Variants in GPSM1 observed in about 807,000 individuals in gnomAD.
GPSM1 encodes G protein signaling modulator 1.
Under a neutral mutation model 70.5 loss-of-function variants are expected in GPSM1, and 48 were observed. That is an observed-to-expected ratio of 0.68 (90% CI 0.54 to 0.87). The LOEUF (loss-of-function observed/expected upper bound fraction) is 0.87, where lower values mean the gene tolerates loss of function less well. GPSM1 is among the 40% of genes least tolerant of loss of function. The pLI, the probability that GPSM1 is intolerant of heterozygous loss-of-function variation, is 0.00. For missense variants in GPSM1, 981 were observed against 972.6 expected (o/e 1.01, Z -0.11); for synonymous variants, 416 against 430.1 (o/e 0.97, Z 0.41).
chr9:136,344,781 T>C (rs1554770985), intron 9 of GPSM1, among the ~76,000 whole-genome samples: 1 of 152,184 alleles, frequency 6.6e-6, no homozygotes, highest in East Asian at 1.9e-4. Flanking sequence ...GGAGACTGTC[T>C]GGAGCTGACG....
intron 11 of GPSM1, among the ~76,000 whole-genome samples, chr9:136,351,006 G>T (rs943243680): frequency 9.2e-5 from 14 of 152,222 alleles, no homozygotes; most frequent in Non-Finnish European, 4.4e-5. Context: ...GCACCGATGG[G>T]CCGAGTCCGG....
intron 1 of GPSM1, among the ~76,000 whole-genome samples, chr9:136,330,607 G>T (rs942952511): frequency 3.3e-5 from 5 of 152,196 alleles, no homozygotes; most frequent in Non-Finnish European, 7.3e-5. Flanking sequence ...TTCCCTGGGG[G>T]TGTCTGGCTG....
At chr9:136,347,209 C>T (rs993674283) in intron 9 of GPSM1, among the ~76,000 whole-genome samples, 3 of 152,158 alleles carry the variant, frequency 2.0e-5, no homozygotes, top group Admixed American at 6.5e-5. Flanking sequence ...ATGAGGAGGG[C>T]GCTGAGCTCC....
intron 3 of GPSM1, among the ~76,000 whole-genome samples, chr9:136,336,706 G>A (rs546745824): frequency 2.6e-5 from 4 of 152,298 alleles, no homozygotes; most frequent in South Asian, 2.1e-4. Context: ...ACGCCAATCC[G>A]CAGAGGAGGG....
chr9:136,351,374 A>ACCTGCCCTGTCCACAGCTGGC (rs1249910773), intron 11 of GPSM1, among the ~76,000 whole-genome samples: 45 of 152,042 alleles, frequency 3.0e-4, no homozygotes, highest in African/African-American at 1.1e-3. Context: ...GGACCCAGAC[A>ACCTGCCCTGTCCACAGCTGGC]CCTGCCCTGT....
chr9:136,341,296 T>A lies in GPSM1; in HGVS notation c.1207+303T>A. ...CCCCACCTCCCCCTGGAGCCCTCGGTGCAGGGAGGGCTTCTGTCCTCAGAC... is the reference window on the plus strand; with the variant it reads ...CCCCACCTCCCCCTGGAGCCCTCGGAGCAGGGAGGGCTTCTGTCCTCAGAC... On this transcript the variant is annotated intron_variant, in intron 9 of 13. Coordinates refer to ENST00000440944, the MANE Select transcript of GPSM1 (RefSeq NM_001145638.3). This position sits in a 1 kb window ranked among gnomAD's most constrained non-coding sequence, Gnocchi z 6.7. The A allele has an allele frequency of 6.9e-7, 1 of 1,456,276 alleles. No individual in the cohort carries two copies. The highest frequency in any genetic ancestry group is 1.5e-5 in the South Asian group (1 of 68,942). The allele number at this position is 1,456,276 out of a possible 1,614,324, so 90.2% of individuals were successfully genotyped here. A position where few individuals can be genotyped will look rare whatever the true frequency, so the allele number is the denominator to read the frequency against.
At chr9:136,333,296 G>A (rs1832146657) in intron 1 of GPSM1, among the ~76,000 whole-genome samples, 1 of 152,178 alleles carries the variant, frequency 6.6e-6, no homozygotes, top group African/African-American at 2.4e-5. Context: ...CTCCCCCCGC[G>A]ACCCTCCACC....
chr9:136,332,700 T>A (rs548127888), intron 1 of GPSM1, among the ~76,000 whole-genome samples: 1 of 152,100 alleles, frequency 6.6e-6, no homozygotes, highest in Non-Finnish European at 1.5e-5. Context: ...CGGATGGCCA[T>A]TCCCAGAGGG....
At position 136,342,147 on chromosome 9, in the gene GPSM1, C is replaced by T. The variant is rs1832406658; in HGVS notation, c.1207+1154C>T. Among the ~76,000 whole-genome samples the T allele has an allele frequency of 6.6e-6, 1 of 152,048 alleles. No individual in the cohort carries two copies. Among genetic ancestry groups the T allele is most frequent in the African/African-American group, 2.4e-5 (1 of 41,376 alleles). On this transcript the variant is annotated intron_variant, in intron 9 of 13. Coordinates refer to ENST00000440944, the MANE Select transcript of GPSM1 (RefSeq NM_001145638.3). The surrounding 1 kb of genome is among the most constrained non-coding windows in gnomAD (Gnocchi z 5.5). ...GGGTAGGGGATGGGCTGGAATGTGCCCCCCAGGATGTCCAGGCCTATTTCT... is the reference window on the plus strand; with the variant it reads ...GGGTAGGGGATGGGCTGGAATGTGCTCCCCAGGATGTCCAGGCCTATTTCT...
chr9:136,355,003 G>A, intron 11 of GPSM1: 5 of 1,087,590 alleles, frequency 4.6e-6, no homozygotes, highest in Non-Finnish European at 5.6e-6. Flanking sequence ...GAAGTCCGGG[G>A]CAGTCGGCGG....
chr9:136,357,947 C>G (rs1832881492), intron 13 of GPSM1, 67 bp from the exon 14 acceptor site: 2 of 1,314,434 alleles, frequency 1.5e-6, no homozygotes, highest in Non-Finnish European at 2.2e-6. Flanking sequence ...GGAACCACCG[C>G]TGCTGACCAG....
At chr9:136,357,899 G>A in intron 13 of GPSM1, 115 bp from the exon 14 acceptor site, 1 of 754,264 alleles carries the variant, frequency 1.3e-6, no homozygotes, top group Non-Finnish European at 2.1e-6. Flanking sequence ...TTCCTGGGTG[G>A]ACAGGGGGAA....
At chr9:136,354,763 G>A (rs1252455892) in intron 11 of GPSM1, 1 of 938,166 alleles carries the variant, frequency 1.1e-6, no homozygotes, top group Admixed American at 6.1e-5. Flanking sequence ...CCCAGGGCGG[G>A]GTTCATTCCT....
chr9:136,348,037 G>A (rs1832565250), intron 9 of GPSM1, among the ~76,000 whole-genome samples: 1 of 152,232 alleles, frequency 6.6e-6, no homozygotes, highest in Non-Finnish European at 1.5e-5. Context: ...CAGCTGGCCA[G>A]TGTTGGGTCA....
intron 5 of GPSM1, 25 bp downstream of exon 5, chr9:136,337,589 G>A (rs1554769497): frequency 1.3e-6 from 2 of 1,548,510 alleles, no homozygotes; most frequent in East Asian, 2.4e-5. Context: ...GTGACAGGGT[G>A]GAGGGGCCGG....
At chr9:136,337,678 GC>G in intron 5 of GPSM1, 114 bp downstream of exon 5, 1 of 1,077,614 alleles carries the variant, frequency 9.3e-7, no homozygotes, top group South Asian at 1.4e-5. Flanking sequence ...CAGCAGGCCC[GC>G]CCCACCGAGT....
Position 136,341,171 on chromosome 9 carries a change from G to A in GPSM1, c.1207+178G>A, listed in dbSNP as rs578008063. On this transcript the variant is annotated intron_variant, in intron 9 of 13. Transcript: ENST00000440944. This position sits in a 1 kb window ranked among gnomAD's most constrained non-coding sequence, Gnocchi z 6.7. ...ACAGCACAGGCCTGAGGTTCACCCT[G>A]AGCCCTTCCCACCCGCATCCTGAGT... 2 of 1,549,002 alleles carry A rather than the reference G, an allele frequency of 1.3e-6. No individual in the cohort carries two copies. The highest frequency in any genetic ancestry group is 2.7e-5 in the African/African-American group (2 of 73,122).
Position 136,336,907 on chromosome 9 carries a change from C to T in GPSM1, c.427-14C>T, listed in dbSNP as rs750647568. On this transcript the variant is annotated splice_polypyrimidine_tract_variant and intron_variant, in intron 3 of 13. Coordinates refer to ENST00000440944, the MANE Select transcript of GPSM1 (RefSeq NM_001145638.3). Reference sequence around the variant, plus strand: ...CCGTGGAGGCATGCCCCCAACCCTCCGTACTGCCCACAGGTTGGGGAGGCG... The same window carrying T: ...CCGTGGAGGCATGCCCCCAACCCTCTGTACTGCCCACAGGTTGGGGAGGCG... 10 of 1,550,002 alleles carry T rather than the reference C, an allele frequency of 6.5e-6. No individual in the cohort carries two copies. Among genetic ancestry groups the T allele is most frequent in the South Asian group, 2.4e-5 (2 of 83,944 alleles).
rs1015128932 is a variant in GPSM1 at position 136,337,549 on chromosome 9, G to A, written c.687G>A (p.Thr229=). ...HYLLGNFTEA[T]TFHKERLAIA... is the part of the protein sequence containing the mutation. ...TGTTGGGGAACTTCACAGAGGCCAC[G>A]ACCTTCCACAAGGAGGTGAGCCGGG... The change falls in exon 5 of 14, where the codon ACG becomes ACA. Residue 229 remains threonine (T), a synonymous_variant. Transcript: ENST00000440944. The A allele has an allele frequency of 9.0e-6, 14 of 1,557,434 alleles. No individual in the cohort carries two copies. Among genetic ancestry groups the A allele is most frequent in the East Asian group, 4.8e-5 (2 of 41,844 alleles).
Sources: gnomAD v4.1 joint callset for allele counts (sites outside exome capture counted in the v4.1 genomes callset) on GRCh38, gnomAD v4.1.1 for gene constraint, Gnocchi (gnomAD v3.1) non-coding constraint, MANE v1.5 for transcripts, NCBI Gene and HGNC (gene_info 2026-07-23, HGNC 2026-07-21) for gene names.